The following SLCO1C1 variants were observed in gnomAD, a reference collection of about 807,000 sequenced individuals.
SLCO1C1 encodes the protein solute carrier organic anion transporter family member 1C1, also known as OAT-RP-5.
A neutral mutation model predicts 76.4 loss-of-function variants in SLCO1C1; 70 were observed. The observed-to-expected ratio is 0.92, with a 90% confidence interval of 0.76 to 1.12. The LOEUF (loss-of-function observed/expected upper bound fraction) is 1.12, where lower values mean the gene tolerates loss of function less well. SLCO1C1 is among the 50% of genes most tolerant of loss of function. The pLI is 0.00. For missense variants in SLCO1C1, 912 were observed against 823.8 expected, an observed-to-expected ratio of 1.11 and a Z score of -1.31; for synonymous variants, 306 against 286.1, an observed-to-expected ratio of 1.07 and a Z score of -0.70.
chr12:20,743,440 T>G (rs1948909984), intron 13 of SLCO1C1, 71 bp downstream of exon 13: 2 of 1,261,808 alleles, frequency 1.6e-6, no homozygotes, highest in Non-Finnish European at 1.1e-6. Context: ...CTAAATATTT[T>G]TACAGAATTG....
In SLCO1C1 at chr12:20,733,076, GT is replaced by G; in HGVS notation, c.1355del (p.Val452GlyfsTer4). On this transcript the variant is annotated frameshift_variant, in exon 10 of 15. Coordinates refer to ENST00000266509, the MANE Select transcript of SLCO1C1 (RefSeq NM_017435.5). LOFTEE classifies it high-confidence loss of function. Reference protein sequence around the residue: ...LFALGCENSDVAGLTVSYQGT... With the variant: ...LFALGCENSDXAGLTVSYQGT... ...TGCACTGGGCTGTGAAAATTCTGAT[GT>G]GGCAGGACTAACTGTCTCCTACCAA... 1 of 1,601,786 alleles carries G rather than the reference GT, an allele frequency of 6.2e-7. No homozygotes were observed. The highest frequency in any genetic ancestry group is 1.1e-5 in the South Asian group (1 of 88,480).
intron 3 of SLCO1C1, 82 bp from the exon 4 acceptor site, chr12:20,705,867 C>T: frequency 7.3e-7 from 1 of 1,362,172 alleles, no homozygotes; most frequent in Non-Finnish European, 1.0e-6. Context: ...ATTGCTTGGT[C>T]TGCTGTATAC....
chr12:20,716,105 G>T (rs1947348352), intron 6 of SLCO1C1, among the ~76,000 whole-genome samples: 2 of 152,162 alleles, frequency 1.3e-5, no homozygotes, highest in South Asian at 4.1e-4. Flanking sequence ...AATTCATTGA[G>T]GGGCGCTACA....
intron 12 of SLCO1C1, among the ~76,000 whole-genome samples, chr12:20,743,066 G>A (rs191442310): frequency 6.6e-6 from 1 of 152,144 alleles, no homozygotes; most frequent in African/African-American, 2.4e-5. Flanking sequence ...TTTGAATATG[G>A]CATGTATGGG....
rs910480803 is a variant in SLCO1C1, at chr12:20,725,040, TATA to T, written c.1186+1790_1186+1792del. 9.6e-4 allele frequency among the ~76,000 whole-genome samples: 134 copies of T among 139,472 alleles called. 1 individual carries two copies. Among genetic ancestry groups the T allele is most frequent in the East Asian group, 1.6e-3 (8 of 4,892 alleles). The allele number at this position is 139,472 out of a possible 152,430, so 91.5% of individuals were successfully genotyped here. A position where few individuals can be genotyped will look rare whatever the true frequency, so the allele number is the denominator to read the frequency against. ...AATATCTAACATATATTAATATGTATATAATATGTATTAATTATATATTATATA... is the reference window on the plus strand; with the variant it reads ...AATATCTAACATATATTAATATGTATATATGTATTAATTATATATTATATA... On this transcript the variant is annotated intron_variant, in intron 9 of 14. Coordinates refer to ENST00000266509, the MANE Select transcript of SLCO1C1 (RefSeq NM_017435.5).
intron 5 of SLCO1C1, among the ~76,000 whole-genome samples, chr12:20,713,935 A>C (rs1947252077): frequency 6.6e-6 from 1 of 152,240 alleles, no homozygotes; most frequent in South Asian, 2.1e-4. Flanking sequence ...AGCTTCTTAA[A>C]ATTATACAAT....
chr12:20,701,829 G>T (rs1365618112), intron 3 of SLCO1C1, among the ~76,000 whole-genome samples: 1 of 151,882 alleles, frequency 6.6e-6, no homozygotes, highest in African/African-American at 2.4e-5. Flanking sequence ...TTCAATTTTA[G>T]AGGTGTGGAA....
intron 5 of SLCO1C1, among the ~76,000 whole-genome samples, chr12:20,711,806 A>C (rs930032101): frequency 1.3e-5 from 2 of 152,212 alleles, no homozygotes; most frequent in Admixed American, 6.5e-5. Flanking sequence ...CTAGTTTAGC[A>C]CATACAACTC....
intron 7 of SLCO1C1, among the ~76,000 whole-genome samples, chr12:20,719,688 A>G (rs1947557407): frequency 6.6e-6 from 1 of 152,214 alleles, no homozygotes; most frequent in Non-Finnish European, 1.5e-5. Context: ...CATTAATTCT[A>G]TAAAGGCTGA....
intron 13 of SLCO1C1, among the ~76,000 whole-genome samples, chr12:20,744,217 T>C (rs1032329187): frequency 9.9e-5 from 15 of 152,074 alleles, no homozygotes; most frequent in African/African-American, 3.4e-4. Context: ...TAGAAAAGTG[T>C]CATATATTGA....
At chr12:20,713,397 G>A (rs929074652) in intron 5 of SLCO1C1, among the ~76,000 whole-genome samples, 6 of 152,248 alleles carry the variant, frequency 3.9e-5, no homozygotes, top group Admixed American at 3.9e-4. Flanking sequence ...TCTTTTGACA[G>A]CACAACTAGT....
Position 20,699,674 on chromosome 12 carries a change from A to T in SLCO1C1, c.98A>T (p.Glu33Val). 4.3e-6 allele frequency: 7 copies of T among 1,612,180 alleles called. No individual in the cohort carries two copies. Among genetic ancestry groups the T allele is most frequent in the Non-Finnish European group, 5.9e-6 (7 of 1,178,972 alleles). The change falls in exon 2 of 15, where the codon GAA (glutamate) becomes GTA (valine). Residue 33 changes from glutamate (E) to valine (V), a missense_variant. Glu to Val is a moderately radical substitution (Grantham distance 121). Coordinates refer to ENST00000266509, the MANE Select transcript of SLCO1C1 (RefSeq NM_017435.5). ...PSFKTEYPSS[E>V]EKQPCCGELK... The stretch of plus-strand genomic sequence containing the variant: ...TTTAAAACAGAATATCCCTCCTCAG[A>T]AGAAAAGCAACCATGCTGTGGTGAA...
chr12:20,718,824 C>T (rs770510457), intron 7 of SLCO1C1, among the ~76,000 whole-genome samples: 5 of 152,026 alleles, frequency 3.3e-5, no homozygotes, highest in Admixed American at 6.6e-5. Context: ...AAGCCTATTC[C>T]GGAATTTAGA....
Position 20,717,106 on chromosome 12 carries a change from TTTTTCC to T in SLCO1C1, c.677-20_677-15del, listed in dbSNP as rs1947397047. On this transcript the variant is annotated intron_variant, in intron 6 of 14. Coordinates refer to ENST00000266509, the MANE Select transcript of SLCO1C1 (RefSeq NM_017435.5). ...AAAGTAAAGAAATGACAGCTTTTTT[TTTTTCC>T]TTTTCTTTTCTTGGTGCAGGGTGTG... The T allele has an allele frequency of 3.2e-6, 5 of 1,571,600 alleles. No homozygotes were observed. In the South Asian group the frequency reaches 5.9e-5, roughly 18 times the overall value.
At chr12:20,731,646 T>C (rs906536012) in intron 9 of SLCO1C1, among the ~76,000 whole-genome samples, 34 of 152,220 alleles carry the variant, frequency 2.2e-4, no homozygotes, top group African/African-American at 6.5e-4. Flanking sequence ...ACATCAATGA[T>C]TGATAGGTAG....
intron 13 of SLCO1C1, among the ~76,000 whole-genome samples, chr12:20,749,847 T>G (rs1371312112): frequency 3.9e-5 from 6 of 152,234 alleles, no homozygotes. Context: ...GCAGTTTAGT[T>G]TATCAAAATG....
chr12:20,740,327 T>G lies in SLCO1C1; in HGVS notation c.1692T>G (p.Thr564=). The G allele has an allele frequency of 6.2e-7, 1 of 1,613,578 alleles. No individual in the cohort carries two copies. The highest frequency in any genetic ancestry group is 8.5e-7 in the Non-Finnish European group (1 of 1,179,800). Residue 564 remains threonine, a synonymous_variant, in exon 12 of 15, where the codon ACT becomes ACG. Transcript: ENST00000266509. ...TAATTTCAGTCATCACATCCTATAC[T>G]TTATCCCTAGGTGGCATACCTGGAT... ...FLVISVITSY[T]LSLGGIPGYI...
chr12:20,745,789 C>A (rs1017466009), intron 13 of SLCO1C1, among the ~76,000 whole-genome samples: 1 of 151,266 alleles, frequency 6.6e-6, no homozygotes, highest in African/African-American at 2.4e-5. Context: ...CACACCACTG[C>A]ACTCCAGCCT....
chr12:20,714,447 T>A (rs1324969472), intron 5 of SLCO1C1, among the ~76,000 whole-genome samples: 1 of 152,224 alleles, frequency 6.6e-6, no homozygotes, highest in Non-Finnish European at 1.5e-5. Flanking sequence ...GACATGAATT[T>A]TATGAAAGCA....
Sources: allele counts gnomAD v4.1 joint callset (sites outside exome capture counted in the v4.1 genomes callset), GRCh38; gene constraint gnomAD v4.1.1; transcripts MANE v1.5; gene names NCBI Gene and HGNC (gene_info 2026-07-23, HGNC 2026-07-21).